TENM2: variants seen among roughly 807,000 people sequenced by gnomAD.
TENM2 encodes the protein teneurin-2.
Under a neutral mutation model 245.2 loss-of-function variants are expected in TENM2, and 52 were observed. That is an observed-to-expected ratio of 0.21 (90% confidence interval 0.17 to 0.27). The LOEUF is 0.27. Among genes scored for constraint, TENM2 ranks in the 10% least tolerant of loss-of-function variants. The probability of loss-of-function intolerance (pLI) is 1.00; values close to 1 mark genes in which losing one functional copy is unlikely to be tolerated. For missense variants in TENM2, 3,046 were observed against 3,666.8 expected (o/e 0.83, Z 4.37); for synonymous variants, 1,363 against 1,438.9 (o/e 0.95, Z 1.19).
the TENM2 span, among the ~76,000 whole-genome samples, chr5:167,210,715 G>T: frequency 6.6e-6 from 1 of 150,826 alleles, no homozygotes; most frequent in Non-Finnish European, 1.5e-5. Context: ...CACCCGCCTC[G>T]GCCTCCCAAA....
intron 2 of TENM2, among the ~76,000 whole-genome samples, chr5:167,401,637 T>C (rs1762370499): frequency 6.6e-6 from 1 of 152,160 alleles, no homozygotes; most frequent in African/African-American, 2.4e-5. Flanking sequence ...AGAAGTTGCA[T>C]CAGATTGTTG....
At chr5:167,004,375 T>G in the TENM2 span, among the ~76,000 whole-genome samples, 1 of 152,222 alleles carries the variant, frequency 6.6e-6, no homozygotes, top group Non-Finnish European at 1.5e-5. Context: ...CCATATTTGC[T>G]TTAAGCTAGC....
At chr5:167,877,804 C>A (rs1162152704) in intron 3 of TENM2, among the ~76,000 whole-genome samples, 6 of 152,194 alleles carry the variant, frequency 3.9e-5, no homozygotes, top group Admixed American at 2.0e-4. Context: ...TTTTTACTTT[C>A]ATCAGAACCT....
rs183640166 is a variant in TENM2 at position 167,992,502 on chromosome 5, C to A, written c.948-442C>A. Among the ~76,000 whole-genome samples the A allele has an allele frequency of 1.5e-3, 235 of 152,198 alleles. 1 individual carries two copies. The highest frequency in any genetic ancestry group is 0.01 in the Middle Eastern group (3 of 294). ...GTGTATGTATAGCACATTATCTTTA[C>A]CTGGGTGACAAAATAATCTGTACAT... On this transcript the variant is annotated intron_variant, in intron 4 of 28. Transcript: ENST00000518659.
chr5:167,343,692 T>TA (rs571712105), intron 1 of TENM2, among the ~76,000 whole-genome samples: 3 of 152,150 alleles, frequency 2.0e-5, no homozygotes, highest in South Asian at 2.1e-4. Context: ...CTGCATTTTT[T>TA]AAAAAAATGA....
the TENM2 span, among the ~76,000 whole-genome samples, chr5:167,149,860 C>G: frequency 6.6e-6 from 1 of 152,100 alleles, no homozygotes; most frequent in African/African-American, 2.4e-5. Context: ...TTCTCTTCCA[C>G]TAGGCTTGTG....
chr5:168,014,419 T>C (rs559974332), intron 5 of TENM2, among the ~76,000 whole-genome samples: 2 of 152,346 alleles, frequency 1.3e-5, no homozygotes, highest in South Asian at 4.1e-4. Context: ...CGCTGGCCTC[T>C]GAGTCCTTGC....
chr5:167,669,414 T>A (rs141809038), intron 2 of TENM2, among the ~76,000 whole-genome samples: 258 of 152,282 alleles, frequency 1.7e-3, no homozygotes, highest in African/African-American at 5.8e-3. Flanking sequence ...AAAGCAGCAT[T>A]TAAGAGGGAA....
chr5:167,567,461 G>A (rs940627687), intron 2 of TENM2, among the ~76,000 whole-genome samples: 3 of 152,046 alleles, frequency 2.0e-5, no homozygotes, highest in African/African-American at 4.8e-5. Flanking sequence ...GTATAATTGG[G>A]CCTGAAATGA....
At chr5:168,138,148 G>A (rs942482076) in intron 12 of TENM2, among the ~76,000 whole-genome samples, 1 of 152,164 alleles carries the variant, frequency 6.6e-6, no homozygotes, top group Non-Finnish European at 1.5e-5. Flanking sequence ...TGTAGCAAAA[G>A]AATTAAATGC....
intron 2 of TENM2, among the ~76,000 whole-genome samples, chr5:167,529,868 C>T (rs572721305): frequency 1.7e-4 from 26 of 152,116 alleles, no homozygotes; most frequent in South Asian, 4.1e-4. Flanking sequence ...CTCATACCAA[C>T]GTGTTTGAAG....
chr5:168,253,567 A>G (rs1470391096), intron 27 of TENM2, among the ~76,000 whole-genome samples: 2 of 151,816 alleles, frequency 1.3e-5, no homozygotes, highest in Non-Finnish European at 2.9e-5. Flanking sequence ...CTGGAACTAC[A>G]GGCGCCCGCC....
At chr5:167,756,025 A>G (rs985157330) in intron 2 of TENM2, among the ~76,000 whole-genome samples, 1 of 152,170 alleles carries the variant, frequency 6.6e-6, no homozygotes, top group Non-Finnish European at 1.5e-5. Context: ...TGTGGCAGGT[A>G]TTCCAGTTGT....
intron 9 of TENM2, among the ~76,000 whole-genome samples, chr5:168,101,387 A>G (rs1243415907): frequency 1.3e-5 from 2 of 152,190 alleles, no homozygotes; most frequent in Non-Finnish European, 2.9e-5. Flanking sequence ...CCGACTGCAC[A>G]TCCAGTGACT....
intron 4 of TENM2, among the ~76,000 whole-genome samples, chr5:167,979,324 A>C (rs1239837176): frequency 6.6e-6 from 1 of 152,214 alleles, no homozygotes; most frequent in Non-Finnish European, 1.5e-5. Flanking sequence ...TTAGAAGAGA[A>C]AAATGCACCA....
chr5:167,774,045 T>A (rs1450399427), intron 2 of TENM2, among the ~76,000 whole-genome samples: 1 of 151,580 alleles, frequency 6.6e-6, no homozygotes, highest in Non-Finnish European at 1.5e-5. Context: ...AAGATGCAGG[T>A]GACCCACATG....
exon 27 of TENM2, chr5:168,246,859 A>G (rs1378950534): frequency 6.2e-7 from 1 of 1,613,952 alleles, no homozygotes; most frequent in South Asian, 1.1e-5. Context: ...CCGGCACAGC[A>G]TGTCCACACA....
intron 2 of TENM2, among the ~76,000 whole-genome samples, chr5:167,742,977 A>AAACAACAAC (rs139078440): frequency 2.0e-5 from 3 of 147,728 alleles, no homozygotes; most frequent in African/African-American, 2.5e-5. Flanking sequence ...CTTGTCTTAA[A>AAACAACAAC]AACAACAACA....
At chr5:167,455,131 C>T (rs1765835633) in intron 2 of TENM2, among the ~76,000 whole-genome samples, 1 of 152,140 alleles carries the variant, frequency 6.6e-6, no homozygotes, top group Non-Finnish European at 1.5e-5. Flanking sequence ...GTCTTCATGC[C>T]ATGCTTCCAA....
Sources: allele counts gnomAD v4.1 joint callset (sites outside exome capture counted in the v4.1 genomes callset), GRCh38; gene constraint gnomAD v4.1.1; transcripts MANE v1.5; gene names NCBI Gene and HGNC (gene_info 2026-07-23, HGNC 2026-07-21).